RPL9: variants seen among roughly 807,000 people sequenced by gnomAD.
The protein encoded by RPL9 is large ribosomal subunit protein uL6.
For missense variants in RPL9, 149 were observed against 236.7 expected (o/e 0.63, Z 2.43); for synonymous variants, 82 against 77.1 (o/e 1.06, Z -0.33).
rs187504573 is a variant in RPL9 at position 39,458,878 on chromosome 4, G to C, written c.-2+13C>G. The C allele has an allele frequency of 1.6e-5, 11 of 701,120 alleles. No homozygotes were observed. In the Admixed American group the frequency reaches 1.8e-4, roughly 11 times the overall value. 43.4% of individuals were successfully genotyped at this position (701,120 alleles called of 1,614,324 possible). The stretch of plus-strand genomic sequence containing the variant: ...GATTCCCAGTACCCCCACGAGCACA[G>C]AAACATCCTTACCTCGCAGTAGACG... On this transcript the variant is annotated intron_variant, in intron 1 of 7. Coordinates refer to ENST00000295955, the MANE Select transcript of RPL9 (RefSeq NM_000661.5).
At position 39,456,334 on chromosome 4, in the gene RPL9, G is replaced by C. The variant is rs117602443; in HGVS notation, c.391+72C>G. 829 of 1,539,918 alleles carry C rather than the reference G, an allele frequency of 5.4e-4. 4 individuals are homozygous for C. The East Asian group carries it at 1.0e-2, about 18-fold the overall frequency. On this transcript the variant is annotated intron_variant, in intron 5 of 7. Coordinates refer to ENST00000295955, the MANE Select transcript of RPL9 (RefSeq NM_000661.5). Reference sequence around the variant, plus strand: ...AACAACAGCCAACTAAAGTATGGAAGTTGGGAGTGGAAAAGGAGGAAAAAA... The same window carrying C: ...AACAACAGCCAACTAAAGTATGGAACTTGGGAGTGGAAAAGGAGGAAAAAA...
intron 5 of RPL9, 28 bp downstream of exon 5, chr4:39,456,378 T>TA: frequency 6.2e-7 from 1 of 1,613,830 alleles, no homozygotes; most frequent in Non-Finnish European, 8.5e-7. Context: ...GAAAAATTTC[T>TA]TAATTCTGTC....
intron 4 of RPL9, chr4:39,457,328 A>G (rs995660673): frequency 9.3e-5 from 30 of 323,706 alleles, no homozygotes; most frequent in Non-Finnish European, 1.5e-4. Flanking sequence ...CAGCCTGGAC[A>G]AAATAGCGAG....
rs751045563 is a variant in RPL9, at chr4:39,454,516, A to G, written c.*10+17T>C. On this transcript the variant is annotated intron_variant, in intron 7 of 7. Coordinates refer to ENST00000295955, the MANE Select transcript of RPL9 (RefSeq NM_000661.5). ...AACTAGAGCAGTAATAAAACTTAAG[A>G]CACTGTAAGAACTTACCTCTTAGAT... 1.9e-6 allele frequency: 3 copies of G among 1,561,178 alleles called. No individual in the cohort carries two copies. The Admixed American group carries it at 5.4e-5, about 28-fold the overall frequency.
intron 6 of RPL9, 71 bp downstream of exon 6, chr4:39,454,792 CA>C: frequency 2.6e-6 from 4 of 1,525,164 alleles, no homozygotes; most frequent in Non-Finnish European, 3.6e-6. Context: ...TAAAAATTAG[CA>C]AAATACTGTA....
Position 39,458,364 on chromosome 4 carries a change from G to A in RPL9, c.46+30C>T, listed in dbSNP as rs760478514. On this transcript the variant is annotated intron_variant, in intron 2 of 7. Coordinates refer to ENST00000295955, the MANE Select transcript of RPL9 (RefSeq NM_000661.5). ...CACAACGCTTGGAACGTGCAGTAAA[G>A]ATGTAAGTAAAAGACATCAAGTCTC... 1.1e-4 allele frequency: 182 copies of A among 1,613,844 alleles called. 1 individual carries two copies. The highest frequency in any genetic ancestry group is 4.9e-4 in the Middle Eastern group (3 of 6,084).
At chr4:39,458,706 G>A (rs1560662367) in intron 1 of RPL9, 185 bp downstream of exon 1, 7 of 630,744 alleles carry the variant, frequency 1.1e-5, no homozygotes, top group Non-Finnish European at 2.0e-5. Context: ...GCAAGACTGA[G>A]GGGCGGGAAT....
At chr4:39,454,331 G>T (rs1744003855) in intron 7 of RPL9, 106 bp from the exon 8 acceptor site, 1 of 509,406 alleles carries the variant, frequency 2.0e-6, no homozygotes, top group Admixed American at 3.7e-5. Flanking sequence ...CATACCTCAA[G>T]ACTATGACTT....
chr4:39,457,523 T>C, intron 4 of RPL9, 63 bp downstream of exon 4: 1 of 1,322,054 alleles, frequency 7.6e-7, no homozygotes, highest in South Asian at 1.2e-5. Context: ...ACTTACGCTG[T>C]ATAAAGCACA....
In RPL9 at chr4:39,456,387, T is replaced by G. The variant is rs1310762894; in HGVS notation, c.391+19A>C. 6.2e-7 allele frequency: 1 copy of G among 1,613,898 alleles called. No homozygotes were observed. Among genetic ancestry groups the G allele is most frequent in the Non-Finnish European group, 8.5e-7 (1 of 1,179,906 alleles). ...ATGAAGGAAAAATTTCTTAATTCTG[T>G]CTGAGGGTATGCACATACCTGGTCT... On this transcript the variant is annotated intron_variant, in intron 5 of 7. Coordinates refer to ENST00000295955, the MANE Select transcript of RPL9 (RefSeq NM_000661.5).
Position 39,458,510 on chromosome 4 carries a change from C to A in RPL9, c.-1-70G>T, listed in dbSNP as rs971089374. On this transcript the variant is annotated intron_variant, in intron 1 of 7. Coordinates refer to ENST00000295955, the MANE Select transcript of RPL9 (RefSeq NM_000661.5). ...TTCCACCAAACTACGCCGCACAGAG[C>A]TCCACTCCTACTGGAGACTGCCAGG... The A allele has an allele frequency of 1.5e-5, 23 of 1,517,934 alleles. No homozygotes were observed. In the African/African-American group the frequency reaches 2.1e-4, roughly 14 times the overall value. 94.0% of individuals were successfully genotyped at this position (1,517,934 alleles called of 1,614,324 possible).
intron 7 of RPL9, 117 bp from the exon 8 acceptor site, chr4:39,454,342 A>C: frequency 1.9e-6 from 1 of 529,546 alleles, no homozygotes; most frequent in Non-Finnish European, 3.3e-6. Flanking sequence ...ACTATGACTT[A>C]CTGATTCATA....
In RPL9 at chr4:39,458,231, T is replaced by A. The variant is rs762487309; in HGVS notation, c.125A>T (p.Asn42Ile). 6 of 1,613,974 alleles carry A rather than the reference T, an allele frequency of 3.7e-6. No individual in the cohort carries two copies. Among genetic ancestry groups the A allele is most frequent in the Non-Finnish European group, 5.1e-6 (6 of 1,180,024 alleles). ...GTLRRDFNHI[N>I]VELSLLGKKK... ...CTTTCCAAGAAGGCTGAGTTCTACA[T>A]TGATGTGATTGAAGTCCCTCCGCAG... Residue 42 changes from asparagine to isoleucine, a missense_variant, in exon 3 of 8, where the codon AAT becomes ATT. Transcript: ENST00000295955.
At chr4:39,456,238 A>G in intron 5 of RPL9, 168 bp downstream of exon 5, 2 of 676,348 alleles carry the variant, frequency 3.0e-6, no homozygotes, top group Middle Eastern at 2.4e-4. Context: ...ACCCTTAAGT[A>G]GCACCAACAG....
At chr4:39,456,133 TTA>T (rs1744076109) in intron 5 of RPL9, 1 of 443,880 alleles carries the variant, frequency 2.3e-6, no homozygotes, top group Non-Finnish European at 4.2e-6. Context: ...TAAAGTCTTT[TTA>T]AAAGATTTCA....
Position 39,457,756 on chromosome 4 carries a change from C to CT in RPL9, c.163-76dup, listed in dbSNP as rs1744168630. On this transcript the variant is annotated intron_variant, in intron 3 of 7. Transcript: ENST00000295955. ...AGACAACAGACCACTTACCGAATTA[C>CT]TTTAAGATTCTAGAATTAACCCTTA... 4 of 1,231,640 alleles carry CT rather than the reference C, an allele frequency of 3.2e-6. No homozygotes were observed. In the Admixed American group the frequency reaches 5.3e-5, roughly 16 times the overall value. The allele number at this position is 1,231,640 out of a possible 1,614,324, so 76.3% of individuals were successfully genotyped here. A position where few individuals can be genotyped will look rare whatever the true frequency, so the allele number is the denominator to read the frequency against.
Position 39,454,946 on chromosome 4 carries a change from T to TA in RPL9, c.392-3dup, listed in dbSNP as rs1744027716. 6.2e-7 allele frequency: 1 copy of TA among 1,612,132 alleles called. No homozygotes were observed. On this transcript the variant is annotated splice_region_variant and splice_polypyrimidine_tract_variant and intron_variant, in intron 5 of 7. Transcript: ENST00000295955. ...CTTGAGATACTGAACAAGCAACACC[T>TA]AAAAGGGGAGAGGGCATTTGCACAG...
intron 1 of RPL9, 145 bp downstream of exon 1, chr4:39,458,746 T>C (rs1350257444): frequency 3.0e-6 from 2 of 664,172 alleles, no homozygotes; most frequent in African/African-American, 3.6e-5. Flanking sequence ...AGGATTCGCA[T>C]CTGGCGCCGC....
At chr4:39,458,647 C>A in intron 1 of RPL9, 1 of 627,748 alleles carries the variant, frequency 1.6e-6, no homozygotes, top group South Asian at 1.9e-5. Context: ...AGCAGTCGAA[C>A]TCCCACTCAG....
Sources: gnomAD v4.1 joint callset for allele counts on GRCh38, gnomAD v4.1.1 for gene constraint, MANE v1.5 for transcripts, NCBI Gene and HGNC (gene_info 2026-07-23, HGNC 2026-07-21) for gene names.